JMJD1C: variants seen among roughly 807,000 people sequenced by gnomAD.
JMJD1C encodes the protein jumonji domain-containing protein 1C.
Under a neutral mutation model 245.3 loss-of-function variants are expected in JMJD1C, and 31 were observed. That is an observed-to-expected ratio of 0.13 (90% confidence interval 0.09 to 0.17). The LOEUF (loss-of-function observed/expected upper bound fraction) is 0.17, where lower values mean the gene tolerates loss of function less well. Among genes scored for constraint, JMJD1C ranks in the 10% least tolerant of loss-of-function variants. JMJD1C has a pLI of 1.00. For missense variants in JMJD1C, 2,691 were observed against 3,000.2 expected (o/e 0.90, Z 2.41); for synonymous variants, 1,057 against 1,017.4 (o/e 1.04, Z -0.74).
intron 2 of JMJD1C, among the ~76,000 whole-genome samples, chr10:63,357,494 C>T (rs953856229): frequency 7.3e-5 from 11 of 151,630 alleles, no homozygotes; most frequent in South Asian, 2.1e-4. Context: ...TTAGTAGAGA[C>T]GGGGTTTCAC....
intron 1 of JMJD1C, chr10:63,521,494 G>T: frequency 7.6e-7 from 1 of 1,314,064 alleles, no homozygotes; most frequent in Non-Finnish European, 9.9e-7. Context: ...GGCCTGGTCC[G>T]CAGCGCCCTG....
At chr10:63,361,221 G>A (rs1258925262) in intron 2 of JMJD1C, among the ~76,000 whole-genome samples, 6 of 152,072 alleles carry the variant, frequency 3.9e-5, no homozygotes, top group East Asian at 3.9e-4. Flanking sequence ...TCAGGAGTTC[G>A]AGACCAGCCT....
At chr10:63,249,755 G>C (rs1000579086) in intron 3 of JMJD1C, among the ~76,000 whole-genome samples, 2 of 151,420 alleles carry the variant, frequency 1.3e-5, no homozygotes, top group Non-Finnish European at 2.9e-5. Flanking sequence ...AACTACTCGG[G>C]AGGCTGAGGC....
At chr10:63,489,890 G>A (rs1386379875) in intron 1 of JMJD1C, among the ~76,000 whole-genome samples, 1 of 152,152 alleles carries the variant, frequency 6.6e-6, no homozygotes, top group Non-Finnish European at 1.5e-5. Context: ...GTTAGGAACT[G>A]GGCTGCAAAG....
chr10:63,470,028 T>C (rs891806439), upstream of JMJD1C, among the ~76,000 whole-genome samples: 24 of 152,178 alleles, frequency 1.6e-4, no homozygotes, highest in Non-Finnish European at 1.6e-4. Flanking sequence ...TATCACTTCC[T>C]CAAGGAAACC....
At chr10:63,349,951 C>T (rs1285741516) in intron 2 of JMJD1C, among the ~76,000 whole-genome samples, 2 of 152,166 alleles carry the variant, frequency 1.3e-5, no homozygotes, top group Non-Finnish European at 2.9e-5. Flanking sequence ...AAACTCTTGA[C>T]ATTCTGCCCC....
intron 1 of JMJD1C, among the ~76,000 whole-genome samples, chr10:63,405,268 T>C (rs1353188988): frequency 6.6e-6 from 1 of 151,776 alleles, no homozygotes; most frequent in Non-Finnish European, 1.5e-5. Context: ...AGCTAATACA[T>C]GGGAGAGTCA....
At chr10:63,404,482 G>A (rs1286027204) in intron 1 of JMJD1C, among the ~76,000 whole-genome samples, 2 of 151,990 alleles carry the variant, frequency 1.3e-5, no homozygotes, top group African/African-American at 4.8e-5. Context: ...GAACTCCGGG[G>A]GATCCTTGTG....
intron 2 of JMJD1C, among the ~76,000 whole-genome samples, chr10:63,374,554 G>A (rs1478707060): frequency 6.6e-6 from 1 of 152,094 alleles, no homozygotes; most frequent in Non-Finnish European, 1.5e-5. Flanking sequence ...GATTTTTGTG[G>A]CTTTCAAGTT....
intron 2 of JMJD1C, among the ~76,000 whole-genome samples, chr10:63,307,320 T>C (rs2134024557): frequency 6.6e-6 from 1 of 152,364 alleles, no homozygotes; most frequent in Non-Finnish European, 1.5e-5. Flanking sequence ...TATATTTCAA[T>C]GTTTCATCAT....
chr10:63,366,387 TG>T (rs1224494672), intron 2 of JMJD1C, among the ~76,000 whole-genome samples: 7 of 152,298 alleles, frequency 4.6e-5, no homozygotes, highest in African/African-American at 1.4e-4. Flanking sequence ...CTGCACCCTA[TG>T]TCTCTCTTCC....
intron 3 of JMJD1C, among the ~76,000 whole-genome samples, chr10:63,247,178 AAGAT>A (rs1237275610): frequency 5.3e-5 from 8 of 151,648 alleles, no homozygotes; most frequent in Admixed American, 1.3e-4. Flanking sequence ...GGATTTTGAA[AAGAT>A]AGATAAAATC....
At chr10:63,357,995 C>T (rs1022223003) in intron 2 of JMJD1C, among the ~76,000 whole-genome samples, 4 of 150,290 alleles carry the variant, frequency 2.7e-5, no homozygotes, top group African/African-American at 9.8e-5. Flanking sequence ...GACGTGGCAA[C>T]TGTATTTCTG....
intron 8 of JMJD1C, among the ~76,000 whole-genome samples, chr10:63,210,919 G>A (rs1847241208): frequency 6.6e-6 from 1 of 152,176 alleles, no homozygotes; most frequent in Admixed American, 6.5e-5. Flanking sequence ...AATGGTAATG[G>A]AAAGCTTGTG....
chr10:63,176,517 A>G (rs1341798647), intron 23 of JMJD1C, 44 bp from the exon 24 acceptor site: 1 of 1,428,910 alleles, frequency 7.0e-7, no homozygotes, highest in South Asian at 1.2e-5. Flanking sequence ...AAGTAAGGAA[A>G]TGGTAAATCC....
chr10:63,391,532 AC>A (rs1948059028), intron 1 of JMJD1C, among the ~76,000 whole-genome samples: 2 of 151,852 alleles, frequency 1.3e-5, no homozygotes, highest in South Asian at 2.1e-4. Flanking sequence ...AACAACAACA[AC>A]AACAACAAAA....
intron 2 of JMJD1C, among the ~76,000 whole-genome samples, chr10:63,343,376 A>C (rs1292761175): frequency 1.4e-5 from 2 of 147,836 alleles, no homozygotes; most frequent in African/African-American, 5.0e-5. Context: ...CAAAAAAAAA[A>C]CAAAAAAAAA....
chr10:63,194,589 T>A, intron 13 of JMJD1C: 1 of 425,056 alleles, frequency 2.4e-6, no homozygotes. Flanking sequence ...TTCCACCATT[T>A]CCTGATTTTA....
intron 1 of JMJD1C, among the ~76,000 whole-genome samples, chr10:63,464,226 A>G (rs1017374983): frequency 2.0e-5 from 3 of 152,248 alleles, no homozygotes; most frequent in African/African-American, 7.2e-5. Context: ...ATTTTCTGTT[A>G]GAAATACCTA....
Sources: allele counts gnomAD v4.1 joint callset (sites outside exome capture counted in the v4.1 genomes callset), GRCh38; gene constraint gnomAD v4.1.1; transcripts MANE v1.5; gene names NCBI Gene and HGNC (gene_info 2026-07-23, HGNC 2026-07-21).